ST8SIA1: variants seen among roughly 807,000 people sequenced by gnomAD.
ST8SIA1 encodes alpha-N-acetylneuraminide alpha-2,8-sialyltransferase.
Under a neutral mutation model 35.9 loss-of-function variants are expected in ST8SIA1, and 16 were observed. The ratio of observed to expected loss-of-function variants is 0.45; its 90% CI spans 0.30 to 0.68. ST8SIA1 has a LOEUF of 0.68. Among genes scored for constraint, ST8SIA1 ranks in the 30% least tolerant of loss-of-function variants. The pLI is 0.09. For synonymous variants in ST8SIA1, 170 were observed against 169.6 expected (o/e 1.00, Z -0.02); for missense variants, 383 against 453.6 (o/e 0.84, Z 1.41).
chr12:22,255,410 G>A (rs368753729), intron 2 of ST8SIA1, 21 bp from the exon 3 acceptor site: 16 of 1,595,588 alleles, frequency 1.0e-5, no homozygotes, highest in Admixed American at 8.3e-5. Context: ...AAAACAAGGC[G>A]GGTTTTCACT....
intron 4 of ST8SIA1, among the ~76,000 whole-genome samples, chr12:22,239,178 G>C (rs1865510613): frequency 6.6e-6 from 1 of 151,994 alleles, no homozygotes; most frequent in East Asian, 1.9e-4. Flanking sequence ...CACTAAAATT[G>C]TCTGTTTGCA....
chr12:22,316,563 T>C (rs1001793744), intron 1 of ST8SIA1, among the ~76,000 whole-genome samples: 4 of 152,174 alleles, frequency 2.6e-5, no homozygotes, highest in African/African-American at 9.7e-5. Flanking sequence ...GCTGCACGAT[T>C]CATGACTCGA....
intron 4 of ST8SIA1, among the ~76,000 whole-genome samples, chr12:22,248,629 A>G (rs1865631148): frequency 6.6e-6 from 1 of 152,236 alleles, no homozygotes; most frequent in South Asian, 2.1e-4. Flanking sequence ...TGGATTGGCC[A>G]TTGCTTTGTT....
chr12:22,306,977 G>A (rs1197475867), intron 1 of ST8SIA1, among the ~76,000 whole-genome samples: 1 of 151,894 alleles, frequency 6.6e-6, no homozygotes, highest in African/African-American at 2.4e-5. Flanking sequence ...GGCTTCAAAG[G>A]GTTCTATTTG....
At chr12:22,266,700 G>A (rs113857822) in intron 2 of ST8SIA1, among the ~76,000 whole-genome samples, 5,266 of 152,078 alleles carry the variant, frequency 0.035, 285 homozygotes, top group African/African-American at 0.12. Flanking sequence ...GGGAGGCTGA[G>A]GTGGGAGGAT....
At position 22,248,986 on chromosome 12, in the gene ST8SIA1, CA is replaced by C; in HGVS notation, c.584+19del. 3 of 1,573,506 alleles carry C rather than the reference CA, an allele frequency of 1.9e-6. No homozygotes were observed. Among genetic ancestry groups the C allele is most frequent in the South Asian group, 2.2e-5 (2 of 89,540 alleles). On this transcript the variant is annotated intron_variant, in intron 4 of 4. Coordinates refer to ENST00000396037, the MANE Select transcript of ST8SIA1 (RefSeq NM_003034.4). ...AGACTTCATCTTCGTTCGTCACAAA[CA>C]GAAGTCATAAACTCTTACCTTTGCC...
Position 22,248,892 on chromosome 12 carries a change from A to G in ST8SIA1, c.584+114T>C. On this transcript the variant is annotated intron_variant, in intron 4 of 4. Transcript: ENST00000396037. The stretch of plus-strand genomic sequence containing the variant: ...TTCCCTTCATCCTTCCTGCCTGTCC[A>G]GATGGTTTTCCTCTTGATTTCCCAA... 2.9e-6 allele frequency: 2 copies of G among 688,760 alleles called. 1 individual carries two copies. The highest frequency in any genetic ancestry group is 4.0e-5 in the South Asian group (2 of 49,474). The allele number at this position is 688,760 out of a possible 1,614,324, so 42.7% of individuals were successfully genotyped here.
chr12:22,212,868 G>A (rs1345422582), intron 4 of ST8SIA1, among the ~76,000 whole-genome samples: 1 of 152,140 alleles, frequency 6.6e-6, no homozygotes, highest in Non-Finnish European at 1.5e-5. Context: ...TCCCTAGATT[G>A]CTTTTCCATA....
chr12:22,242,436 A>G (rs1169641844), intron 4 of ST8SIA1, among the ~76,000 whole-genome samples: 1 of 152,194 alleles, frequency 6.6e-6, no homozygotes, highest in Non-Finnish European at 1.5e-5. Flanking sequence ...CTAGATCTGC[A>G]CTTCTGAAAT....
At chr12:22,260,022 T>C (rs991560599) in intron 2 of ST8SIA1, among the ~76,000 whole-genome samples, 1 of 152,300 alleles carries the variant, frequency 6.6e-6, no homozygotes, top group Admixed American at 6.5e-5. Context: ...CTTGTACCTA[T>C]GCAAGAAAAT....
intron 4 of ST8SIA1, among the ~76,000 whole-genome samples, chr12:22,227,201 C>T (rs2120678081): frequency 6.6e-6 from 1 of 152,168 alleles, no homozygotes; most frequent in African/African-American, 2.4e-5. Context: ...GCCTCGGCCT[C>T]TCAAAGTGCT....
Position 22,201,564 on chromosome 12 carries a change from C to G in ST8SIA1, c.1059G>C (p.Gln353His), listed in dbSNP as rs147502860. Residue 353 changes from glutamine (Q) to histidine (H), a missense_variant, in exon 5 of 5, where the codon CAG (glutamine) becomes CAC (histidine). Gln to His is a conservative substitution (Grantham distance 24, BLOSUM62 0). Transcript: ENST00000396037. Reference sequence around the variant, plus strand: ...TCTTCCATTGTTCCTAGGAAGTGGGCTGGAGTGAGGTATCTTCACATGGGT... The same window carrying G: ...TCTTCCATTGTTCCTAGGAAGTGGGGTGGAGTGAGGTATCTTCACATGGGT... Reference protein sequence around the residue: ...QLDPCEDTSLQPTS With the variant: ...QLDPCEDTSLHPTS 3.5e-4 allele frequency: 568 copies of G among 1,607,428 alleles called. 4 individuals are homozygous for G. The African/African-American group carries it at 6.9e-3, about 19-fold the overall frequency.
chr12:22,257,676 G>C (rs1023591425), intron 2 of ST8SIA1, among the ~76,000 whole-genome samples: 2 of 151,988 alleles, frequency 1.3e-5, no homozygotes. Flanking sequence ...GGGAAAGGGG[G>C]AGCAAAGAGC....
intron 3 of ST8SIA1, among the ~76,000 whole-genome samples, chr12:22,251,507 A>C (rs1865669146): frequency 6.6e-6 from 1 of 152,156 alleles, no homozygotes; most frequent in Admixed American, 6.6e-5. Flanking sequence ...TTCTGGGTAA[A>C]CTTTTTCTCT....
At chr12:22,277,353 T>A (rs1236323026) in intron 2 of ST8SIA1, among the ~76,000 whole-genome samples, 8 of 150,896 alleles carry the variant, frequency 5.3e-5, no homozygotes, top group Non-Finnish European at 5.9e-5. Context: ...AAAGGCAAAT[T>A]CATAATAGTG....
chr12:22,248,285 A>G (rs1012685105), intron 4 of ST8SIA1, among the ~76,000 whole-genome samples: 1 of 151,428 alleles, frequency 6.6e-6, no homozygotes, highest in Non-Finnish European at 1.5e-5. Context: ...AGGAGGACCT[A>G]AAGCAATGCT....
At chr12:22,233,586 T>C (rs546844349) in intron 4 of ST8SIA1, among the ~76,000 whole-genome samples, 1 of 152,160 alleles carries the variant, frequency 6.6e-6, no homozygotes, top group Non-Finnish European at 1.5e-5. Context: ...TTCTCTTCTC[T>C]CGCAGTAAAA....
chr12:22,210,404 C>T (rs1036974178), intron 4 of ST8SIA1, among the ~76,000 whole-genome samples: 1 of 152,250 alleles, frequency 6.6e-6, no homozygotes, highest in South Asian at 2.1e-4. Context: ...TTTCTGTTCT[C>T]TCACTCAACA....
intron 1 of ST8SIA1, among the ~76,000 whole-genome samples, chr12:22,292,620 A>G (rs1039181703): frequency 6.6e-5 from 10 of 152,316 alleles, no homozygotes; most frequent in Admixed American, 5.2e-4. Context: ...GCTGGAGGCC[A>G]TTATCCCAGG....
Sources: allele counts gnomAD v4.1 joint callset (sites outside exome capture counted in the v4.1 genomes callset), GRCh38; gene constraint gnomAD v4.1.1; transcripts MANE v1.5; gene names NCBI Gene and HGNC (gene_info 2026-07-23, HGNC 2026-07-21).